RBFOX1: variants seen among roughly 807,000 people sequenced by gnomAD.
The protein encoded by RBFOX1 is RNA binding protein fox-1 homolog 1.
Under a neutral mutation model 57.7 loss-of-function variants are expected in RBFOX1, and 8 were observed. That is an observed-to-expected ratio of 0.14 (90% CI 0.08 to 0.25). The LOEUF (loss-of-function observed/expected upper bound fraction) is 0.25. Ranked by LOEUF, RBFOX1 falls within the 10% of genes least tolerant of loss-of-function variation. RBFOX1 has a pLI of 1.00. For synonymous variants in RBFOX1, 326 were observed against 222.4 expected (o/e 1.47, Z -4.15); for missense variants, 611 against 548.5 (o/e 1.11, Z -1.14).
At chr16:5,505,198 C>A (rs1283688592) in intron 2 of RBFOX1, among the ~76,000 whole-genome samples, 1 of 152,170 alleles carries the variant, frequency 6.6e-6, no homozygotes, top group Non-Finnish European at 1.5e-5. Context: ...TCTTGTATGA[C>A]CCCTTCTTGC....
intron 3 of RBFOX1, among the ~76,000 whole-genome samples, chr16:6,708,652 G>T (rs1239794515): frequency 6.6e-6 from 1 of 152,176 alleles, no homozygotes; most frequent in African/African-American, 2.4e-5. Flanking sequence ...CTGCCACTAT[G>T]CATTCACTTA....
intron 2 of RBFOX1, among the ~76,000 whole-genome samples, chr16:6,585,726 AG>A (rs58683983): frequency 6.6e-6 from 1 of 152,138 alleles, no homozygotes; most frequent in Non-Finnish European, 1.5e-5. Flanking sequence ...TGCAGTTCAA[AG>A]GGGGCAAAAA....
intron 2 of RBFOX1, among the ~76,000 whole-genome samples, chr16:6,442,156 A>G (rs935080145): frequency 2.0e-5 from 3 of 152,290 alleles, no homozygotes; most frequent in East Asian, 3.9e-4. Context: ...TGAGAATAGC[A>G]GGGGACAGAG....
intron 10 of RBFOX1, among the ~76,000 whole-genome samples, chr16:7,613,827 T>C (rs747864655): frequency 3.3e-5 from 5 of 152,140 alleles, no homozygotes; most frequent in Non-Finnish European, 7.4e-5. Context: ...TTGGATACAA[T>C]AGCATCTGAG....
chr16:6,077,699 T>TATTTATTTATTC (rs1400449456), intron 1 of RBFOX1, among the ~76,000 whole-genome samples: 2 of 151,656 alleles, frequency 1.3e-5, no homozygotes, highest in African/African-American at 4.8e-5. Context: ...CTTATTTATT[T>TATTTATTTATTC]ATTTATTTAT....
At chr16:5,815,893 G>A (rs990165239) in intron 3 of RBFOX1, among the ~76,000 whole-genome samples, 8 of 152,122 alleles carry the variant, frequency 5.3e-5, no homozygotes, top group African/African-American at 1.4e-4. Flanking sequence ...TGGGGGCTGC[G>A]TTAGGTTTGA....
chr16:6,778,586 C>G (rs2079787318), intron 3 of RBFOX1, among the ~76,000 whole-genome samples: 1 of 152,088 alleles, frequency 6.6e-6, no homozygotes, highest in Admixed American at 6.6e-5. Context: ...TTTCCTTGAA[C>G]TGAAATCCAA....
chr16:6,931,576 C>G (rs12448143), intron 3 of RBFOX1, among the ~76,000 whole-genome samples: 1 of 152,004 alleles, frequency 6.6e-6, no homozygotes, highest in Non-Finnish European at 1.5e-5. Flanking sequence ...ACTCTTGCCA[C>G]CCTACAATGG....
intron 1 of RBFOX1, among the ~76,000 whole-genome samples, chr16:5,375,085 CAAAAAAAAA>C (rs576765968): frequency 2.4e-3 from 89 of 37,106 alleles, no homozygotes; most frequent in African/African-American, 9.2e-3. Flanking sequence ...TTTAAATGGC[CAAAAAAAAA>C]AAAAAAAAAA....
chr16:5,692,063 A>G (rs1011006169), intron 3 of RBFOX1, among the ~76,000 whole-genome samples: 3 of 152,078 alleles, frequency 2.0e-5, no homozygotes, highest in Non-Finnish European at 4.4e-5. Flanking sequence ...AATGACTGGG[A>G]AAGTGTCATG....
intron 5 of RBFOX1, among the ~76,000 whole-genome samples, chr16:7,529,447 G>GTCCCCACCAAATT (rs2079469154): frequency 6.6e-6 from 1 of 152,198 alleles, no homozygotes; most frequent in Admixed American, 6.5e-5. Flanking sequence ...TGGGGACCCT[G>GTCCCCACCAAATT]TAGTAATTTA....
intron 1 of RBFOX1, among the ~76,000 whole-genome samples, chr16:6,195,460 G>C (rs2097173753): frequency 6.6e-6 from 1 of 152,200 alleles, no homozygotes; most frequent in African/African-American, 2.4e-5. Context: ...GCTCATGCCT[G>C]TAATTCCAGG....
intron 3 of RBFOX1, among the ~76,000 whole-genome samples, chr16:6,690,886 G>C (rs967866022): frequency 5.9e-5 from 9 of 151,770 alleles, no homozygotes; most frequent in African/African-American, 2.2e-4. Context: ...ACATAATCAG[G>C]GGAATTGGCA....
intron 1 of RBFOX1, among the ~76,000 whole-genome samples, chr16:6,165,169 T>A (rs1173362123): frequency 2.6e-5 from 4 of 152,174 alleles, no homozygotes; most frequent in Non-Finnish European, 5.9e-5. Flanking sequence ...GTAATAGTAT[T>A]AATACCCACC....
At chr16:6,605,265 C>T (rs1485618931) in intron 2 of RBFOX1, among the ~76,000 whole-genome samples, 3 of 151,600 alleles carry the variant, frequency 2.0e-5, no homozygotes, top group African/African-American at 7.3e-5. Flanking sequence ...GAAACCAACA[C>T]ATACAATTAA....
intron 3 of RBFOX1, among the ~76,000 whole-genome samples, chr16:5,846,296 G>C (rs1237666226): frequency 6.6e-6 from 1 of 152,038 alleles, no homozygotes; most frequent in East Asian, 1.9e-4. Context: ...GTGGAGAAAA[G>C]GAGGAGGAGA....
chr16:6,946,895 C>G (rs1046008446), intron 3 of RBFOX1, among the ~76,000 whole-genome samples: 1 of 152,172 alleles, frequency 6.6e-6, no homozygotes, highest in Non-Finnish European at 1.5e-5. Flanking sequence ...AGGTATGAGT[C>G]ACCACATCCA....
chr16:6,692,657 T>A (rs2060372875), intron 3 of RBFOX1, among the ~76,000 whole-genome samples: 1 of 152,134 alleles, frequency 6.6e-6, no homozygotes, highest in Admixed American at 6.5e-5. Flanking sequence ...TTACTGTTTC[T>A]TCCACCTGAA....
At chr16:7,156,250 A>G (rs984223594) in intron 4 of RBFOX1, among the ~76,000 whole-genome samples, 1 of 146,962 alleles carries the variant, frequency 6.8e-6, no homozygotes, top group African/African-American at 2.6e-5. Context: ...ATATATATGT[A>G]TACATATGTA....
Sources: gnomAD v4.1 joint callset for allele counts (sites outside exome capture counted in the v4.1 genomes callset) on GRCh38, gnomAD v4.1.1 for gene constraint, MANE v1.5 for transcripts, NCBI Gene and HGNC (gene_info 2026-07-23, HGNC 2026-07-21) for gene names.